Variants in KAZN observed in about 807,000 individuals in gnomAD.
The protein encoded by KAZN is kazrin, periplakin interacting protein, also known as kazrin.
KAZN carries 40 observed loss-of-function variants against 87.4 expected under a neutral mutation model. The ratio of observed to expected loss-of-function variants is 0.46; its 90% CI spans 0.36 to 0.60. The LOEUF (loss-of-function observed/expected upper bound fraction) is 0.60, where lower values mean the gene tolerates loss of function less well. KAZN is among the 20% of genes least tolerant of loss of function. KAZN has a pLI of 0.00. For synonymous variants in KAZN, 466 were observed against 458.3 expected, an observed-to-expected ratio of 1.02 and a Z score of -0.22; for missense variants, 898 against 1,073.9, an observed-to-expected ratio of 0.84 and a Z score of 2.29.
chr1:15,063,303 A>C, intron 6 of KAZN: 1 of 502,212 alleles, frequency 2.0e-6, no homozygotes, highest in Non-Finnish European at 3.6e-6. Context: ...TGGAGTGGCT[A>C]ATTTGTTGGT....
chr1:14,013,763 C>T (rs1239190203), intron 1 of KAZN, among the ~76,000 whole-genome samples: 1 of 152,192 alleles, frequency 6.6e-6, no homozygotes, highest in Non-Finnish European at 1.5e-5. Context: ...AAGCTTGTGT[C>T]CGGGGATGGC....
At chr1:14,330,294 C>T (rs1656752602) in intron 2 of KAZN, among the ~76,000 whole-genome samples, 1 of 152,154 alleles carries the variant, frequency 6.6e-6, no homozygotes, top group Admixed American at 6.5e-5. Flanking sequence ...TAAGCTACTG[C>T]CCATTTCTCC....
intron 2 of KAZN, among the ~76,000 whole-genome samples, chr1:14,284,792 C>T (rs1236127114): frequency 6.6e-6 from 1 of 152,158 alleles, no homozygotes; most frequent in African/African-American, 2.4e-5. Context: ...GTAAGTACGT[C>T]AGCAATTGTC....
intron 1 of KAZN, among the ~76,000 whole-genome samples, chr1:14,778,710 A>C (rs1414165300): frequency 6.6e-6 from 1 of 152,106 alleles, no homozygotes; most frequent in Non-Finnish European, 1.5e-5. Context: ...AACAACCCCC[A>C]GTATTTTTAT....
chr1:14,228,534 G>T (rs1223418002), intron 2 of KAZN, among the ~76,000 whole-genome samples: 3 of 152,200 alleles, frequency 2.0e-5, no homozygotes, highest in Non-Finnish European at 4.4e-5. Flanking sequence ...GCCATGGGCA[G>T]GTGGGCACAA....
intron 1 of KAZN, among the ~76,000 whole-genome samples, chr1:14,821,518 A>C (rs1646737144): frequency 6.6e-6 from 1 of 151,856 alleles, no homozygotes; most frequent in Admixed American, 6.6e-5. Context: ...ACCTCTGAAA[A>C]AAAAAAAAAA....
intron 1 of KAZN, among the ~76,000 whole-genome samples, chr1:14,917,979 A>G (rs1658003056): frequency 6.6e-6 from 1 of 152,004 alleles, no homozygotes; most frequent in Non-Finnish European, 1.5e-5. Context: ...CCTGGGTTCA[A>G]GCAATTCTAC....
intron 1 of KAZN, among the ~76,000 whole-genome samples, chr1:14,134,479 TGAA>T (rs1645061502): frequency 6.6e-6 from 1 of 152,110 alleles, no homozygotes; most frequent in Admixed American, 6.6e-5. Context: ...TATGAGAAAT[TGAA>T]GCTCAAAAGA....
At chr1:14,609,171 A>C (rs1176232508) in intron 1 of KAZN, among the ~76,000 whole-genome samples, 1 of 152,238 alleles carries the variant, frequency 6.6e-6, no homozygotes, top group Non-Finnish European at 1.5e-5. Context: ...TATAAAGTTT[A>C]CTATGTAAAG....
At chr1:14,187,764 T>C (rs556025397) in intron 2 of KAZN, among the ~76,000 whole-genome samples, 48 of 152,286 alleles carry the variant, frequency 3.2e-4, no homozygotes, top group African/African-American at 1.1e-3. Flanking sequence ...ATGTTAGGAG[T>C]GTCAAGATTG....
At chr1:15,003,763 AC>A (rs1465348307) in intron 2 of KAZN, among the ~76,000 whole-genome samples, 2 of 151,546 alleles carry the variant, frequency 1.3e-5, no homozygotes, top group African/African-American at 4.9e-5. Flanking sequence ...GAAACCTCTT[AC>A]CCCCACTCCC....
intron 2 of KAZN, among the ~76,000 whole-genome samples, chr1:14,436,927 C>A (rs1420376923): frequency 6.6e-6 from 1 of 152,180 alleles, no homozygotes; most frequent in African/African-American, 2.4e-5. Flanking sequence ...ACCTCTCCAG[C>A]ACACTCAGCT....
intron 2 of KAZN, among the ~76,000 whole-genome samples, chr1:14,513,339 C>A (rs1010577226): frequency 2.0e-5 from 3 of 152,208 alleles, no homozygotes; most frequent in African/African-American, 7.2e-5. Flanking sequence ...GCTCAAGTTA[C>A]CGATAAATCC....
rs190728842 is a variant in KAZN, at chr1:14,101,181, G to A, written c.92-79254G>A. 1.4e-3 allele frequency among the ~76,000 whole-genome samples: 211 copies of A among 152,278 alleles called. 1 individual carries two copies. The Middle Eastern group carries it at 0.02, about 15-fold the overall frequency. ...GTTCCCAGATGCCCACTAAAAGCCA[G>A]TCTTGCAAACAGGCCTTGAAAGGGT... On this transcript the variant is annotated intron_variant, in intron 1 of 16. Coordinates refer to the KAZN transcript ENST00000636203.
At chr1:14,871,396 G>A (rs1207132304) in intron 1 of KAZN, among the ~76,000 whole-genome samples, 1 of 152,082 alleles carries the variant, frequency 6.6e-6, no homozygotes, top group Non-Finnish European at 1.5e-5. Context: ...TTGCCCTGCA[G>A]CAAGGGAGCT....
At chr1:14,612,374 A>G (rs1277678128) in intron 1 of KAZN, among the ~76,000 whole-genome samples, 1 of 152,190 alleles carries the variant, frequency 6.6e-6, no homozygotes, top group African/African-American at 2.4e-5. Context: ...AGAAGGGACA[A>G]GGAATCATTG....
At chr1:14,638,162 A>G (rs137879810) in intron 1 of KAZN, among the ~76,000 whole-genome samples, 1 of 152,298 alleles carries the variant, frequency 6.6e-6, no homozygotes, top group East Asian at 1.9e-4. Flanking sequence ...GTCTCAACGA[A>G]TCACCTCTGC....
In KAZN at chr1:14,699,817, A is replaced by G. The variant is rs536357436; in HGVS notation, c.226+100594A>G. 3.3e-5 allele frequency among the ~76,000 whole-genome samples: 5 copies of G among 152,188 alleles called. No individual in the cohort carries two copies. In the East Asian group the frequency reaches 9.6e-4, roughly 29 times the overall value. On this transcript the variant is annotated intron_variant, in intron 1 of 14. Transcript: ENST00000376030. ...AGTGTCCATGGTGTAAATGCTCACC[A>G]TGGCTAATTTCAAACTGTCTCTGTG...
intron 1 of KAZN, among the ~76,000 whole-genome samples, chr1:14,160,402 C>G (rs1645684129): frequency 1.3e-5 from 2 of 152,198 alleles, no homozygotes; most frequent in African/African-American, 4.8e-5. Flanking sequence ...CTCCAGCACA[C>G]TAAGATGCTT....
Sources: gnomAD v4.1 joint callset for allele counts (sites outside exome capture counted in the v4.1 genomes callset) on GRCh38, gnomAD v4.1.1 for gene constraint, MANE v1.5 for transcripts, NCBI Gene and HGNC (gene_info 2026-07-23, HGNC 2026-07-21) for gene names.